Variants in TASP1 observed in about 807,000 individuals in gnomAD.
TASP1 encodes taspase 1.
Under a neutral mutation model 56.6 loss-of-function variants are expected in TASP1, and 16 were observed. That is an observed-to-expected ratio of 0.28 (90% CI 0.19 to 0.43). The LOEUF (loss-of-function observed/expected upper bound fraction) is 0.43. Among genes scored for constraint, TASP1 ranks in the 20% least tolerant of loss-of-function variants. The probability of loss-of-function intolerance (pLI) is 1.00; values close to 1 mark genes in which losing one functional copy is unlikely to be tolerated. For synonymous variants in TASP1, 179 were observed against 184.2 expected, an observed-to-expected ratio of 0.97 and a Z score of 0.23; for missense variants, 393 against 511.6, an observed-to-expected ratio of 0.77 and a Z score of 2.24.
intron 12 of TASP1, among the ~76,000 whole-genome samples, chr20:13,423,468 A>G (rs2042515213): frequency 6.6e-6 from 1 of 152,218 alleles, no homozygotes; most frequent in Non-Finnish European, 1.5e-5. Flanking sequence ...TTTAGAACTT[A>G]TTAATGTGAC....
At chr20:13,356,044 G>A in the TASP1 span, among the ~76,000 whole-genome samples, 1 of 152,074 alleles carries the variant, frequency 6.6e-6, no homozygotes, top group Non-Finnish European at 1.5e-5. Context: ...AATGCTGTTG[G>A]GATTTCATCT....
chr20:13,617,126 C>A (rs2048551219), intron 4 of TASP1: 2 of 444,184 alleles, frequency 4.5e-6, no homozygotes, highest in African/African-American at 2.1e-5. Flanking sequence ...GTGTACACCT[C>A]AAAAAATAAA....
chr20:13,636,715 T>C (rs1349224894), intron 1 of TASP1, among the ~76,000 whole-genome samples: 1 of 152,108 alleles, frequency 6.6e-6, no homozygotes, highest in East Asian at 1.9e-4. Context: ...ACCTACACTT[T>C]TATGATCAAC....
intron 11 of TASP1, among the ~76,000 whole-genome samples, chr20:13,477,791 C>A (rs928820774): frequency 2.6e-5 from 4 of 152,230 alleles, no homozygotes; most frequent in East Asian, 1.9e-4. Flanking sequence ...TTTTACAGTA[C>A]CCATTTTTAT....
chr20:13,353,307 G>GT, the TASP1 span, among the ~76,000 whole-genome samples: 11 of 150,502 alleles, frequency 7.3e-5, no homozygotes, highest in Admixed American at 4.6e-4. Flanking sequence ...AAACATTTGA[G>GT]TATCTCCCAG....
chr20:13,114,385 T>A, the TASP1 span, among the ~76,000 whole-genome samples: 2 of 152,242 alleles, frequency 1.3e-5, no homozygotes, highest in South Asian at 4.1e-4. Context: ...TGGTTGAGAA[T>A]CTCAAAATTA....
chr20:13,560,807 T>C (rs2046320613), intron 7 of TASP1, among the ~76,000 whole-genome samples: 1 of 152,054 alleles, frequency 6.6e-6, no homozygotes, highest in Non-Finnish European at 1.5e-5. Flanking sequence ...GAAGAAATAA[T>C]AGCTGAAAAC....
the TASP1 span, among the ~76,000 whole-genome samples, chr20:13,268,763 T>C: frequency 1.3e-5 from 2 of 152,062 alleles, no homozygotes. Context: ...TAAAAATCCA[T>C]TCGCAGCTGG....
chr20:13,184,028 CAA>C, the TASP1 span, among the ~76,000 whole-genome samples: 21 of 61,528 alleles, frequency 3.4e-4, no homozygotes, highest in East Asian at 1.0e-3. Flanking sequence ...GACTCTGTCT[CAA>C]AAAAAAAAAA....
At chr20:13,439,746 A>C (rs1368811005) in intron 11 of TASP1, among the ~76,000 whole-genome samples, 11 of 152,184 alleles carry the variant, frequency 7.2e-5, no homozygotes, top group Non-Finnish European at 1.5e-4. Flanking sequence ...ACAAGAACAA[A>C]AAAATTAAAA....
chr20:13,112,768 C>T, the TASP1 span, among the ~76,000 whole-genome samples: 45 of 152,332 alleles, frequency 3.0e-4, no homozygotes, highest in South Asian at 8.9e-3. Context: ...GCCTCAATCG[C>T]TCTTGGGGGC....
chr20:13,423,243 A>G (rs1416385588), intron 12 of TASP1, among the ~76,000 whole-genome samples: 4 of 152,188 alleles, frequency 2.6e-5, no homozygotes, highest in Non-Finnish European at 5.9e-5. Flanking sequence ...AAACTTTTTG[A>G]TCACAAGCCA....
chr20:13,201,414 A>G, the TASP1 span, among the ~76,000 whole-genome samples: 1 of 151,746 alleles, frequency 6.6e-6, no homozygotes, highest in Non-Finnish European at 1.5e-5. Context: ...GAGGGGAGAA[A>G]TTTGAATAAC....
At chr20:13,417,786 C>CTTCT (rs2042306759) in intron 12 of TASP1, among the ~76,000 whole-genome samples, 3 of 151,974 alleles carry the variant, frequency 2.0e-5, no homozygotes, top group Admixed American at 6.6e-5. Context: ...ACTCTTGTAA[C>CTTCT]ATTAAATGCA....
chr20:13,372,286 T>C, the TASP1 span, among the ~76,000 whole-genome samples: 3 of 149,102 alleles, frequency 2.0e-5, no homozygotes, highest in Non-Finnish European at 4.5e-5. Context: ...ATAAAAAGAC[T>C]GGCCTCCCTA....
intron 11 of TASP1, among the ~76,000 whole-genome samples, chr20:13,470,201 G>A (rs1384853967): frequency 6.6e-6 from 1 of 151,972 alleles, no homozygotes; most frequent in Non-Finnish European, 1.5e-5. Context: ...TCTGATACAA[G>A]CTACAAGCTT....
At chr20:13,343,934 C>G in the TASP1 span, among the ~76,000 whole-genome samples, 1 of 152,048 alleles carries the variant, frequency 6.6e-6, no homozygotes, top group Non-Finnish European at 1.5e-5. Flanking sequence ...CAGCAAGCCC[C>G]TCTGTGGGTC....
At chr20:13,573,327 A>AAGCCCTCTTGAATGGGATT (rs912221850) in intron 6 of TASP1, among the ~76,000 whole-genome samples, 1 of 152,210 alleles carries the variant, frequency 6.6e-6, no homozygotes, top group African/African-American at 2.4e-5. Flanking sequence ...CATGAGGGTG[A>AAGCCCTCTTGAATGGGATT]AGCCCTCTTG....
chr20:13,210,885 C>A, the TASP1 span, among the ~76,000 whole-genome samples: 21 of 151,960 alleles, frequency 1.4e-4, no homozygotes, highest in African/African-American at 4.3e-4. Context: ...TTTATTTAAC[C>A]TAAGTAATAG....
Sources: gnomAD v4.1 joint callset for allele counts (sites outside exome capture counted in the v4.1 genomes callset) on GRCh38, gnomAD v4.1.1 for gene constraint, MANE v1.5 for transcripts, NCBI Gene and HGNC (gene_info 2026-07-23, HGNC 2026-07-21) for gene names.